Variants in MAGI1 observed in about 807,000 individuals in gnomAD.
MAGI1 encodes membrane-associated guanylate kinase, WW and PDZ domain-containing protein 1.
MAGI1 carries 58 observed loss-of-function variants against 139.9 expected under a neutral mutation model. That is an observed-to-expected ratio of 0.41 (90% CI 0.34 to 0.52). The LOEUF (loss-of-function observed/expected upper bound fraction) is 0.52, where lower values mean the gene tolerates loss of function less well. MAGI1 is among the 20% of genes least tolerant of loss of function. The pLI is 0.12. For missense variants in MAGI1, 1,874 were observed against 1,901.6 expected (o/e 0.99, Z 0.27); for synonymous variants, 812 against 737.9 (o/e 1.10, Z -1.63).
chr3:65,741,420 C>T (rs1027657571), intron 1 of MAGI1, among the ~76,000 whole-genome samples: 2 of 152,146 alleles, frequency 1.3e-5, no homozygotes, highest in Non-Finnish European at 1.5e-5. Context: ...CTGATCCGCC[C>T]GCCTCGGCCT....
At chr3:65,415,009 AAAAAAAAAAAC>A (rs1476131243) in intron 12 of MAGI1, among the ~76,000 whole-genome samples, 26 of 66,590 alleles carry the variant, frequency 3.9e-4, no homozygotes, top group African/African-American at 1.0e-3. Context: ...AGCCTGGGAA[AAAAAAAAAAAC>A]AAAAAAAAAA....
At chr3:65,776,520 G>A (rs1008630890) in intron 1 of MAGI1, among the ~76,000 whole-genome samples, 1 of 152,134 alleles carries the variant, frequency 6.6e-6, no homozygotes, top group Non-Finnish European at 1.5e-5. Flanking sequence ...TGTACAGGCT[G>A]ATTTCTAAAC....
intron 1 of MAGI1, among the ~76,000 whole-genome samples, chr3:65,711,097 T>C (rs1308032849): frequency 6.6e-6 from 1 of 152,218 alleles, no homozygotes; most frequent in Non-Finnish European, 1.5e-5. Context: ...ATGCCACATG[T>C]CCATTCAACA....
chr3:65,692,921 T>C (rs1291838085), intron 1 of MAGI1, among the ~76,000 whole-genome samples: 6 of 152,180 alleles, frequency 3.9e-5, no homozygotes, highest in Admixed American at 1.3e-4. Flanking sequence ...TAAGAAATAT[T>C]GCTTTTTTGA....
intron 1 of MAGI1, among the ~76,000 whole-genome samples, chr3:65,829,639 A>C (rs1272370336): frequency 1.3e-5 from 2 of 152,220 alleles, no homozygotes; most frequent in Non-Finnish European, 2.9e-5. Flanking sequence ...GCCCTAATAC[A>C]CTAAGACACA....
chr3:65,846,976 C>CAAAAAAAAAAAAAAAAAAAA (rs58391331), intron 1 of MAGI1, among the ~76,000 whole-genome samples: 30 of 80,970 alleles, frequency 3.7e-4, no homozygotes, highest in African/African-American at 9.9e-4. Flanking sequence ...CAATGTCTTA[C>CAAAAAAAAAAAAAAAAAAAA]AAAAAAAAAA....
chr3:65,703,522 C>G (rs2089761534), intron 1 of MAGI1, among the ~76,000 whole-genome samples: 3 of 152,226 alleles, frequency 2.0e-5, no homozygotes, highest in Admixed American at 2.0e-4. Context: ...GCTGATGGAT[C>G]TTCCAGCCAG....
intron 1 of MAGI1, among the ~76,000 whole-genome samples, chr3:65,827,518 A>G (rs1267749425): frequency 4.6e-5 from 7 of 152,228 alleles, no homozygotes; most frequent in African/African-American, 1.7e-4. Flanking sequence ...TTAACAACAC[A>G]GCCAAACTGC....
intron 1 of MAGI1, among the ~76,000 whole-genome samples, chr3:65,764,091 A>AG (rs2037273373): frequency 1.3e-5 from 2 of 151,518 alleles, no homozygotes; most frequent in Non-Finnish European, 2.9e-5. Context: ...AAAGAAAAAA[A>AG]AAAAAAAAAC....
At chr3:65,422,911 C>T (rs998374805) in intron 12 of MAGI1, among the ~76,000 whole-genome samples, 1 of 152,066 alleles carries the variant, frequency 6.6e-6, no homozygotes, top group East Asian at 1.9e-4. Context: ...TGATGGGAAG[C>T]TATTCTGACA....
chr3:65,946,474 T>G (rs28506897), intron 1 of MAGI1, among the ~76,000 whole-genome samples: 5,592 of 152,238 alleles, frequency 0.037, 326 homozygotes, highest in African/African-American at 0.13. Context: ...GGGCAGAAAT[T>G]TCAGCAACCT....
chr3:65,929,713 C>T (rs934443484), intron 1 of MAGI1, among the ~76,000 whole-genome samples: 12 of 151,870 alleles, frequency 7.9e-5, no homozygotes, highest in Admixed American at 7.2e-4. Flanking sequence ...AACTTGAGAC[C>T]CTTTCGGGGC....
intron 2 of MAGI1, among the ~76,000 whole-genome samples, chr3:65,588,444 A>C (rs556627232): frequency 6.6e-6 from 1 of 152,324 alleles, no homozygotes; most frequent in South Asian, 2.1e-4. Context: ...ACTACTCCCC[A>C]TATGTAAAAG....
intron 1 of MAGI1, among the ~76,000 whole-genome samples, chr3:66,020,460 A>G (rs1435797930): frequency 6.6e-6 from 1 of 152,126 alleles, no homozygotes; most frequent in African/African-American, 2.4e-5. Flanking sequence ...GGCTCAAGAC[A>G]GGAGGAGGGT....
At chr3:65,860,083 A>G (rs186801808) in intron 1 of MAGI1, among the ~76,000 whole-genome samples, 1 of 151,906 alleles carries the variant, frequency 6.6e-6, no homozygotes, top group East Asian at 2.0e-4. Flanking sequence ...TTTAGTAGAG[A>G]CAGGGTTTCT....
At chr3:65,881,895 T>G (rs749612304) in intron 1 of MAGI1, among the ~76,000 whole-genome samples, 1 of 152,040 alleles carries the variant, frequency 6.6e-6, no homozygotes, top group African/African-American at 2.4e-5. Flanking sequence ...GGAAAGCCAG[T>G]AGAGGAAACG....
chr3:65,594,338 T>C (rs1475365665), intron 2 of MAGI1, among the ~76,000 whole-genome samples: 1 of 152,218 alleles, frequency 6.6e-6, no homozygotes, highest in Non-Finnish European at 1.5e-5. Context: ...TAGTCATAAT[T>C]TTCCTGAGTG....
Position 65,429,916 on chromosome 3 carries a change from AATC to A in MAGI1, c.1768_1770del (p.Asp590del). 6.2e-7 allele frequency: 1 copy of A among 1,614,034 alleles called. No homozygotes were observed. The highest frequency in any genetic ancestry group is 8.5e-7 in the Non-Finnish European group (1 of 1,179,966). On this transcript the variant is annotated inframe_deletion, in exon 12 of 23. Transcript: ENST00000402939. Reference sequence around the variant, plus strand: ...GTTTTACTACTGTGGCTAGCTGGTGAATCATAGGTCTCTTGCCCATTCACAATA... The same window carrying A: ...GTTTTACTACTGTGGCTAGCTGGTGAATAGGTCTCTTGCCCATTCACAATA...
At position 65,736,830 on chromosome 3, in the gene MAGI1, C is replaced by A. The variant is rs183206098; in HGVS notation, c.314-114742G>T. On this transcript the variant is annotated intron_variant, in intron 1 of 22. Transcript: ENST00000402939. ...CCAGAAACACTCTTACAGATACACC[C>A]AGAAATAATGTTTTACCAGCTACCT... is the stretch of plus-strand genomic sequence containing the variant. 6.7e-3 allele frequency among the ~76,000 whole-genome samples: 1,025 copies of A among 152,258 alleles called. 2 individuals carry two copies. Among genetic ancestry groups the A allele is most frequent in the Middle Eastern group, 0.014 (4 of 294 alleles).
Sources: allele counts gnomAD v4.1 joint callset (sites outside exome capture counted in the v4.1 genomes callset), GRCh38; gene constraint gnomAD v4.1.1; transcripts MANE v1.5; gene names NCBI Gene and HGNC (gene_info 2026-07-23, HGNC 2026-07-21).